Variants in RAPGEF1 observed in about 807,000 individuals in gnomAD.
RAPGEF1 encodes Rap guanine nucleotide exchange factor 1.
Under a neutral mutation model 143.3 loss-of-function variants are expected in RAPGEF1, and 33 were observed. That is an observed-to-expected ratio of 0.23 (90% CI 0.17 to 0.31). RAPGEF1 has a LOEUF of 0.31. Among genes scored for constraint, RAPGEF1 ranks in the 10% least tolerant of loss-of-function variants. The probability of loss-of-function intolerance (pLI) is 1.00; values close to 1 mark genes in which losing one functional copy is unlikely to be tolerated. For missense variants in RAPGEF1, 1,199 were observed against 1,645.4 expected, an observed-to-expected ratio of 0.73 and a Z score of 4.69; for synonymous variants, 629 against 676.5, an observed-to-expected ratio of 0.93 and a Z score of 1.09.
intron 12 of RAPGEF1, among the ~76,000 whole-genome samples, chr9:131,614,061 C>A (rs746756): frequency 6.6e-6 from 1 of 152,038 alleles, no homozygotes; most frequent in Non-Finnish European, 1.5e-5. Context: ...ATGGGGACAG[C>A]GGCACAGTCC....
At chr9:131,643,115 T>A (rs1968539618) in intron 4 of RAPGEF1, 124 bp downstream of exon 4, 1 of 1,088,000 alleles carries the variant, frequency 9.2e-7, no homozygotes, top group South Asian at 1.7e-5. Flanking sequence ...AGGGGAAGGA[T>A]GAGGGGTGAT....
chr9:131,710,340 C>T (rs1589076120), intron 1 of RAPGEF1, among the ~76,000 whole-genome samples: 1 of 152,266 alleles, frequency 6.6e-6, no homozygotes, highest in Admixed American at 6.5e-5. Flanking sequence ...GGGACAAATA[C>T]AGCTAAGAAT....
At chr9:131,699,238 ACTT>A (rs1834439936) in intron 1 of RAPGEF1, among the ~76,000 whole-genome samples, 1 of 113,410 alleles carries the variant, frequency 8.8e-6, no homozygotes. Context: ...CTCCACTGAC[ACTT>A]TTTTTTTTTT....
intron 1 of RAPGEF1, among the ~76,000 whole-genome samples, chr9:131,681,067 C>T (rs939307918): frequency 6.6e-6 from 1 of 152,042 alleles, no homozygotes; most frequent in Admixed American, 6.6e-5. Context: ...GTTCGTCCCA[C>T]CTTGGAACTT....
At chr9:131,601,967 G>C (rs987928169) in intron 15 of RAPGEF1, 94 bp downstream of exon 15, 15 of 855,382 alleles carry the variant, frequency 1.8e-5, no homozygotes, top group African/African-American at 1.4e-4. Flanking sequence ...ATACCCTCAG[G>C]CCTAGGGGCT....
chr9:131,706,864 C>G (rs1835112217), intron 1 of RAPGEF1, among the ~76,000 whole-genome samples: 3 of 152,196 alleles, frequency 2.0e-5, no homozygotes, highest in Admixed American at 2.0e-4. Flanking sequence ...CTGCTCTGTT[C>G]TCTTCTTTAA....
chr9:131,624,223 T>C (rs1188795478), intron 10 of RAPGEF1, among the ~76,000 whole-genome samples: 1 of 152,214 alleles, frequency 6.6e-6, no homozygotes, highest in Non-Finnish European at 1.5e-5. Context: ...CTCCAGTTTC[T>C]CTACCTATGA....
Position 131,584,236 on chromosome 9 carries a change from C to T in RAPGEF1, c.3414+75G>A. 7.3e-7 allele frequency: 1 copy of T among 1,371,574 alleles called. No homozygotes were observed. 85.0% of individuals were successfully genotyped at this position (1,371,574 alleles called of 1,614,324 possible). A position where few individuals can be genotyped will look rare whatever the true frequency, so the allele number is the denominator to read the frequency against. ...TTTGCTCCAGTGGGAGCACTTTCTG[C>T]CACAGCTAGTCGCCTGAGGGCTGGG... On this transcript the variant is annotated intron_variant, in intron 24 of 26. Transcript: ENST00000683357. This position sits in a 1 kb window ranked among gnomAD's most constrained non-coding sequence, Gnocchi z 6.8.
At chr9:131,668,568 C>T (rs1434318147) in intron 1 of RAPGEF1, among the ~76,000 whole-genome samples, 1 of 152,120 alleles carries the variant, frequency 6.6e-6, no homozygotes, top group African/African-American at 2.4e-5. Flanking sequence ...CTCCCCTCCC[C>T]TCCCATTTTC....
intron 1 of RAPGEF1, among the ~76,000 whole-genome samples, chr9:131,704,814 C>T (rs555389748): frequency 9.2e-5 from 14 of 152,106 alleles, no homozygotes; most frequent in South Asian, 2.1e-4. Context: ...AGGGTGCCTG[C>T]CTGCCTGCCT....
intron 12 of RAPGEF1, among the ~76,000 whole-genome samples, chr9:131,612,300 A>C (rs1230294051): frequency 3.3e-5 from 5 of 152,208 alleles, no homozygotes; most frequent in Non-Finnish European, 7.3e-5. Flanking sequence ...TCAGAAGTAC[A>C]ACCACGGCCA....
At chr9:131,617,667 G>A (rs1959206599) in intron 12 of RAPGEF1, among the ~76,000 whole-genome samples, 1 of 152,230 alleles carries the variant, frequency 6.6e-6, no homozygotes, top group Non-Finnish European at 1.5e-5. Flanking sequence ...AGCAAGAACA[G>A]TAATAAGCTT....
intron 1 of RAPGEF1, among the ~76,000 whole-genome samples, chr9:131,709,214 G>T (rs1835324775): frequency 6.6e-6 from 1 of 152,200 alleles, no homozygotes; most frequent in Non-Finnish European, 1.5e-5. Flanking sequence ...GGGCGTGGTG[G>T]CGGGTGCCTG....
At chr9:131,693,387 C>G (rs1833916544) in intron 1 of RAPGEF1, among the ~76,000 whole-genome samples, 1 of 152,182 alleles carries the variant, frequency 6.6e-6, no homozygotes, top group Non-Finnish European at 1.5e-5. Flanking sequence ...TGGTGTCACT[C>G]ACGCTCAAGT....
chr9:131,738,739 T>C (rs1157208083), intron 1 of RAPGEF1, among the ~76,000 whole-genome samples: 1 of 152,218 alleles, frequency 6.6e-6, no homozygotes, highest in Non-Finnish European at 1.5e-5. Context: ...TACAAAAATG[T>C]CCTTCTGTGC....
At chr9:131,709,259 T>C (rs1025210959) in intron 1 of RAPGEF1, among the ~76,000 whole-genome samples, 7 of 152,118 alleles carry the variant, frequency 4.6e-5, no homozygotes, top group Non-Finnish European at 7.4e-5. Flanking sequence ...AGGCAGAGAA[T>C]TGCTTGAACC....
At chr9:131,597,844 C>A (rs1955564127) in intron 16 of RAPGEF1, among the ~76,000 whole-genome samples, 1 of 152,108 alleles carries the variant, frequency 6.6e-6, no homozygotes, top group Non-Finnish European at 1.5e-5. Context: ...ATTTTTTCAA[C>A]CACAGAAAAA....
At chr9:131,637,719 G>C (rs1283591943) in intron 5 of RAPGEF1, among the ~76,000 whole-genome samples, 1 of 152,168 alleles carries the variant, frequency 6.6e-6, no homozygotes, top group East Asian at 1.9e-4. Context: ...CTCCGTATGT[G>C]CCAGGTGCTG....
At position 131,629,208 on chromosome 9, in the gene RAPGEF1, T is replaced by C. The variant is rs753574257; in HGVS notation, c.787A>G (p.Lys263Glu). The C allele has an allele frequency of 6.2e-7, 1 of 1,613,928 alleles. No individual in the cohort carries two copies. Among genetic ancestry groups the C allele is most frequent in the Non-Finnish European group, 8.5e-7 (1 of 1,179,868 alleles). Residue 263 changes from lysine (K) to glutamate (E), a missense_variant, in exon 7 of 27, where the codon AAG (lysine) becomes GAG (glutamate). This residue lies in a region of RAPGEF1 where 613 missense variants were observed against 710.9 expected (regional missense o/e 0.86). Transcript: ENST00000683357. ...GTTGACTGTGACATCCCAGTCGTCT[T>C]GTTTAGGATCTCTACCTCGCGGTCT... Reference protein sequence around the residue: ...LTDREVEILNKTTGMSQSTEL... With the variant: ...LTDREVEILNETTGMSQSTEL...
Sources: gnomAD v4.1 joint callset for allele counts (sites outside exome capture counted in the v4.1 genomes callset) on GRCh38, gnomAD v4.1.1 for gene constraint, gnomAD v4.1.1 regional missense constraint, Gnocchi (gnomAD v3.1) non-coding constraint, MANE v1.5 for transcripts, NCBI Gene and HGNC (gene_info 2026-07-23, HGNC 2026-07-21) for gene names.